CNTLN: variants seen among roughly 807,000 people sequenced by gnomAD.
CNTLN encodes the protein centlein, centrosomal protein.
In CNTLN, 212 loss-of-function variants were observed where a neutral mutation model predicts 180.0. That is an observed-to-expected ratio of 1.18 (90% CI 1.05 to 1.32). The LOEUF (loss-of-function observed/expected upper bound fraction) is 1.32, where lower values mean the gene tolerates loss of function less well. Ranked by LOEUF, CNTLN falls within the 40% of genes most tolerant of loss-of-function variation. The pLI, the probability that CNTLN is intolerant of heterozygous loss-of-function variation, is 0.00. For missense variants in CNTLN, 2,095 were observed against 1,610.9 expected (o/e 1.30, Z -5.14); for synonymous variants, 722 against 563.1 (o/e 1.28, Z -3.99).
chr9:17,194,681 T>G (rs1311245988), intron 2 of CNTLN, among the ~76,000 whole-genome samples: 3 of 152,188 alleles, frequency 2.0e-5, no homozygotes, highest in Non-Finnish European at 4.4e-5. Context: ...TGTTCCAACC[T>G]TTGTTACCCA....
At chr9:17,181,022 G>T (rs903101725) in intron 2 of CNTLN, among the ~76,000 whole-genome samples, 1 of 152,032 alleles carries the variant, frequency 6.6e-6, no homozygotes, top group African/African-American at 2.4e-5. Flanking sequence ...ATATGACTTG[G>T]TATAGATTTA....
the CNTLN span, among the ~76,000 whole-genome samples, chr9:17,517,005 A>G: frequency 4.0e-5 from 6 of 151,760 alleles, no homozygotes; most frequent in African/African-American, 1.5e-4. Flanking sequence ...TAAATGTTAC[A>G]TTCCTAAAGT....
chr9:17,358,001 T>C (rs1022330406), intron 12 of CNTLN, among the ~76,000 whole-genome samples: 1 of 152,016 alleles, frequency 6.6e-6, no homozygotes, highest in African/African-American at 2.4e-5. Context: ...GTAGGAATGT[T>C]ACAGGTAAAG....
rs182779640 is a variant in CNTLN at position 17,492,752 on chromosome 9, T to C, written c.4119+5686T>C. Among the ~76,000 whole-genome samples, 7 of 152,082 alleles carry C rather than the reference T, an allele frequency of 4.6e-5. 1 individual carries two copies. Among genetic ancestry groups the C allele is most frequent in the Non-Finnish European group, 1.5e-5 (1 of 67,990 alleles). On this transcript the variant is annotated intron_variant, in intron 25 of 25. Coordinates refer to ENST00000380647, the MANE Select transcript of CNTLN (RefSeq NM_017738.4). ...GCCTTGGGGTATATCTCCAAAAGAA[T>C]TGGAAGCAGGAACTCAAACAGATAT... is the stretch of plus-strand genomic sequence containing the variant.
At chr9:17,271,946 G>T (rs1437344472) in intron 5 of CNTLN, among the ~76,000 whole-genome samples, 3 of 151,976 alleles carry the variant, frequency 2.0e-5, no homozygotes, top group Non-Finnish European at 4.4e-5. Context: ...GTCTATTTTA[G>T]TATATTCTGT....
intron 13 of CNTLN, among the ~76,000 whole-genome samples, chr9:17,382,335 T>C (rs1825319562): frequency 2.0e-5 from 3 of 152,216 alleles, no homozygotes; most frequent in South Asian, 4.1e-4. Context: ...TAAGAATAGA[T>C]TGTGTTGGAT....
At position 17,318,290 on chromosome 9, in the gene CNTLN, A is replaced by G. The variant is rs1440686152; in HGVS notation, c.1341+9038A>G. 2.0e-5 allele frequency among the ~76,000 whole-genome samples: 3 copies of G among 152,110 alleles called. No homozygotes were observed. In the East Asian group the frequency reaches 5.8e-4, roughly 29 times the overall value. On this transcript the variant is annotated intron_variant, in intron 8 of 25. Coordinates refer to ENST00000380647, the MANE Select transcript of CNTLN (RefSeq NM_017738.4). ...GTGATCCGCCTGCCTCGGCCTCCCAAAGTGCTGGGATTACAGGCGTGAGCC... is the reference window on the plus strand; with the variant it reads ...GTGATCCGCCTGCCTCGGCCTCCCAGAGTGCTGGGATTACAGGCGTGAGCC...
At chr9:17,278,851 T>C (rs1442885083) in intron 6 of CNTLN, among the ~76,000 whole-genome samples, 1 of 152,162 alleles carries the variant, frequency 6.6e-6, no homozygotes, top group East Asian at 1.9e-4. Flanking sequence ...TTCTCAGTCC[T>C]GATTTATAAA....
At chr9:17,372,317 C>A (rs921306379) in intron 13 of CNTLN, among the ~76,000 whole-genome samples, 5 of 152,072 alleles carry the variant, frequency 3.3e-5, no homozygotes, top group Non-Finnish European at 5.9e-5. Flanking sequence ...TGGCTACTAT[C>A]ACCAACTATA....
intron 14 of CNTLN, among the ~76,000 whole-genome samples, chr9:17,392,057 G>A (rs1442525): frequency 0.82 from 123,990 of 151,702 alleles, 51,131 homozygotes; most frequent in Non-Finnish European, 0.87. Context: ...ACTGTTTAAA[G>A]AAAAAATGTG....
chr9:17,287,906 T>G (rs1829092623), intron 6 of CNTLN, among the ~76,000 whole-genome samples: 1 of 146,246 alleles, frequency 6.8e-6, no homozygotes, highest in Non-Finnish European at 1.5e-5. Flanking sequence ...CTTTTTTTCT[T>G]TATTAGTCTT....
intron 2 of CNTLN, among the ~76,000 whole-genome samples, chr9:17,219,257 C>CA (rs1178236132): frequency 1.4e-5 from 2 of 142,424 alleles, no homozygotes; most frequent in Non-Finnish European, 3.1e-5. Context: ...TTTAAGGAAC[C>CA]TTTTTTTTTT....
the CNTLN span, among the ~76,000 whole-genome samples, chr9:17,516,471 G>T: frequency 6.6e-6 from 1 of 152,158 alleles, no homozygotes. Flanking sequence ...CAGGAAAAAG[G>T]GTATAACTTT....
chr9:17,221,673 C>T (rs965664357), intron 2 of CNTLN, among the ~76,000 whole-genome samples: 1 of 152,032 alleles, frequency 6.6e-6, no homozygotes, highest in African/African-American at 2.4e-5. Context: ...TTTATGACCA[C>T]TAATTTTAAG....
chr9:17,463,043 T>C (rs755179888), intron 20 of CNTLN, 30 bp downstream of exon 20: 39 of 1,395,534 alleles, frequency 2.8e-5, no homozygotes, highest in Middle Eastern at 3.5e-4. Flanking sequence ...ATCCATTGTA[T>C]TTGGTGCCAC....
At chr9:17,495,750 C>T (rs921043334) in intron 25 of CNTLN, among the ~76,000 whole-genome samples, 2 of 152,196 alleles carry the variant, frequency 1.3e-5, no homozygotes, top group East Asian at 1.9e-4. Flanking sequence ...CTCACTGACT[C>T]GCCCAGAGCA....
intron 18 of CNTLN, among the ~76,000 whole-genome samples, chr9:17,443,579 A>C (rs886812684): frequency 8.5e-5 from 13 of 152,220 alleles, no homozygotes; most frequent in Non-Finnish European, 1.5e-4. Flanking sequence ...GATAGTGATT[A>C]TTTCTGGTGG....
At chr9:17,291,607 G>A (rs891136018) in intron 6 of CNTLN, among the ~76,000 whole-genome samples, 1 of 151,998 alleles carries the variant, frequency 6.6e-6, no homozygotes, top group African/African-American at 2.4e-5. Flanking sequence ...AGTCTATTTT[G>A]TCAGAAACTA....
chr9:17,308,024 G>A (rs898135760), intron 7 of CNTLN, among the ~76,000 whole-genome samples: 5 of 130,056 alleles, frequency 3.8e-5, no homozygotes, highest in African/African-American at 1.1e-4. Context: ...ACACATTTTC[G>A]TTCTTAGGTC....
Sources: allele counts gnomAD v4.1 joint callset (sites outside exome capture counted in the v4.1 genomes callset), GRCh38; gene constraint gnomAD v4.1.1; transcripts MANE v1.5; gene names NCBI Gene and HGNC (gene_info 2026-07-23, HGNC 2026-07-21).